Variants in OR1F1 observed in about 807,000 individuals in gnomAD.
The protein encoded by OR1F1 is olfactory receptor 1F1.
For missense variants in OR1F1, 493 were observed against 376.3 expected (o/e 1.31, Z -2.57); for synonymous variants, 184 against 156.7 (o/e 1.17, Z -1.30).
exon 1 of OR1F1, chr16:3,204,276 C>G (rs566580978): frequency 6.2e-7 from 1 of 1,611,446 alleles, no homozygotes; most frequent in South Asian, 1.1e-5. Flanking sequence ...CGAGTGTCTC[C>G]GAGTTCCTCC....
upstream of OR1F1, among the ~76,000 whole-genome samples, chr16:3,201,990 T>C (rs1958140043): frequency 6.6e-6 from 1 of 152,242 alleles, no homozygotes; most frequent in Non-Finnish European, 1.5e-5. Context: ...AGCCCTCCTC[T>C]GCAGGAGCAG....
the OR1F1 span, among the ~76,000 whole-genome samples, chr16:3,197,965 GGGAGAA>G: frequency 4.9e-5 from 1 of 20,306 alleles, no homozygotes; most frequent in Non-Finnish European, 9.7e-5. Context: ...GAGAAGGAGA[GGGAGAA>G]GGAGAGGGAG....
chr16:3,206,333 T>A (rs1253458296), downstream of OR1F1, among the ~76,000 whole-genome samples: 1 of 152,230 alleles, frequency 6.6e-6, no homozygotes, highest in Non-Finnish European at 1.5e-5. Flanking sequence ...TAGACCCTTA[T>A]CTGGAGGTTT....
At chr16:3,191,573 G>A in the OR1F1 span, among the ~76,000 whole-genome samples, 2 of 151,424 alleles carry the variant, frequency 1.3e-5, no homozygotes, top group South Asian at 2.1e-4. Context: ...CACGTTGGGC[G>A]ACTTGTTTTC....
the OR1F1 span, among the ~76,000 whole-genome samples, chr16:3,188,713 C>A: frequency 2.0e-5 from 3 of 152,062 alleles, no homozygotes; most frequent in Admixed American, 6.6e-5. Context: ...CTGGAGGGGA[C>A]AGGGAGCCCC....
exon 1 of OR1F1, chr16:3,205,166 GGGT>G: frequency 6.2e-7 from 1 of 1,609,296 alleles, no homozygotes; most frequent in Non-Finnish European, 8.5e-7. Flanking sequence ...GTAGTTGGCA[GGGT>G]GGTGTTTTCT....
At chr16:3,199,983 T>C (rs1958118653), upstream of OR1F1, among the ~76,000 whole-genome samples, 1 of 150,216 alleles carries the variant, frequency 6.7e-6, no homozygotes, top group Admixed American at 6.6e-5. Flanking sequence ...GCCACTGCAC[T>C]GCACCCCAGG....
the OR1F1 span, among the ~76,000 whole-genome samples, chr16:3,195,275 T>C: frequency 6.6e-6 from 1 of 151,964 alleles, no homozygotes; most frequent in African/African-American, 2.4e-5. Context: ...GCGTTTACTA[T>C]TAAAAAAAGA....
upstream of OR1F1, among the ~76,000 whole-genome samples, chr16:3,199,948 G>A (rs1206508777): frequency 9.9e-5 from 15 of 151,340 alleles, no homozygotes; most frequent in African/African-American, 3.6e-4. Flanking sequence ...CCCAGGAGGC[G>A]GAGGTTGTGG....
At chr16:3,193,909 G>A in the OR1F1 span, among the ~76,000 whole-genome samples, 16 of 152,290 alleles carry the variant, frequency 1.1e-4, no homozygotes, top group South Asian at 2.1e-4. Flanking sequence ...AGTAGGGCAC[G>A]TGGTAACTGC....
At chr16:3,205,774 C>A (rs1958200967), downstream of OR1F1, among the ~76,000 whole-genome samples, 1 of 152,176 alleles carries the variant, frequency 6.6e-6, no homozygotes, top group Non-Finnish European at 1.5e-5. Flanking sequence ...TTACTTTAAT[C>A]TCTTAATCCT....
At chr16:3,200,211 C>G (rs1958121193), upstream of OR1F1, among the ~76,000 whole-genome samples, 1 of 152,032 alleles carries the variant, frequency 6.6e-6, no homozygotes, top group African/African-American at 2.4e-5. Context: ...TCTGGGTGGT[C>G]TTCTTCTCAG....
At chr16:3,197,676 AGAGAGG>A in the OR1F1 span, among the ~76,000 whole-genome samples, 66 of 120,468 alleles carry the variant, frequency 5.5e-4, 1 homozygote, top group Middle Eastern at 8.2e-3. Flanking sequence ...TGGGCTGGGG[AGAGAGG>A]GAGAGGGAGA....
chr16:3,201,588 T>A (rs1352081038), upstream of OR1F1, among the ~76,000 whole-genome samples: 2 of 152,232 alleles, frequency 1.3e-5, no homozygotes, highest in African/African-American at 4.8e-5. Context: ...GATTCCCGCA[T>A]GGAATGGATT....
chr16:3,201,624 G>A (rs1225459489), upstream of OR1F1, among the ~76,000 whole-genome samples: 1 of 152,208 alleles, frequency 6.6e-6, no homozygotes, highest in Non-Finnish European at 1.5e-5. Flanking sequence ...AATGATGAGA[G>A]TACTCTGTTC....
At chr16:3,189,708 C>A in the OR1F1 span, 1 of 152,038 alleles carries the variant, frequency 6.6e-6, no homozygotes, top group Non-Finnish European at 1.5e-5. Context: ...ACGAGCCCGG[C>A]TTTTGGTGCA....
chr16:3,202,447 T>G (rs371019396), upstream of OR1F1, among the ~76,000 whole-genome samples: 6 of 152,114 alleles, frequency 3.9e-5, no homozygotes, highest in Non-Finnish European at 8.8e-5. Flanking sequence ...TATGAGTTGG[T>G]TTTCTATCGC....
At chr16:3,192,909 C>T in the OR1F1 span, among the ~76,000 whole-genome samples, 44,511 of 151,794 alleles carry the variant, frequency 0.29, 7,445 homozygotes, top group African/African-American at 0.47. Context: ...TACTGTGCCC[C>T]GCGGGATTAA....
At chr16:3,204,813 C>T (rs748106515) in exon 1 of OR1F1, 4 of 1,614,060 alleles carry the variant, frequency 2.5e-6, no homozygotes, top group Non-Finnish European at 2.5e-6. Flanking sequence ...AACTCTCCTG[C>T]TCAGACACAC....
Sources: gnomAD v4.1 joint callset for allele counts (sites outside exome capture counted in the v4.1 genomes callset) on GRCh38, gnomAD v4.1.1 for gene constraint, MANE v1.5 for transcripts, NCBI Gene and HGNC (gene_info 2026-07-23, HGNC 2026-07-21) for gene names.